The following CACNB2 variants were observed in gnomAD, a reference collection of about 807,000 sequenced individuals.
The protein encoded by CACNB2 is calcium voltage-gated channel auxiliary subunit beta 2.
CACNB2 carries 42 observed loss-of-function variants against 73.3 expected under a neutral mutation model. The observed-to-expected ratio is 0.57, with a 90% CI of 0.45 to 0.74. The LOEUF (loss-of-function observed/expected upper bound fraction) is 0.74. CACNB2 is among the 30% of genes least tolerant of loss of function. The probability of loss-of-function intolerance (pLI) is 0.00; values close to 1 mark genes in which losing one functional copy is unlikely to be tolerated. For synonymous variants in CACNB2, 348 were observed against 310.3 expected, an observed-to-expected ratio of 1.12 and a Z score of -1.28; for missense variants, 940 against 853.0, an observed-to-expected ratio of 1.10 and a Z score of -1.27.
At chr10:18,488,594 G>A (rs1303174609) in intron 3 of CACNB2, among the ~76,000 whole-genome samples, 3 of 151,796 alleles carry the variant, frequency 2.0e-5, no homozygotes, top group African/African-American at 7.3e-5. Context: ...CTTTATGAGG[G>A]ACACCCATCG....
intron 2 of CACNB2, among the ~76,000 whole-genome samples, chr10:18,399,325 G>T (rs1420766481): frequency 6.6e-6 from 1 of 152,174 alleles, no homozygotes; most frequent in Admixed American, 6.5e-5. Context: ...AAATTTGCTT[G>T]AACGAAGAGT....
chr10:18,479,422 A>G (rs575962654), intron 3 of CACNB2, among the ~76,000 whole-genome samples: 144 of 152,294 alleles, frequency 9.5e-4, no homozygotes, highest in Middle Eastern at 3.4e-3. Context: ...AACCATAAAA[A>G]AAAACTTAAG....
chr10:18,220,869 C>T (rs1020353079), intron 2 of CACNB2, among the ~76,000 whole-genome samples: 4 of 152,194 alleles, frequency 2.6e-5, no homozygotes, highest in Non-Finnish European at 4.4e-5. Flanking sequence ...TACAATCCCC[C>T]CTAGTCCGTG....
chr10:18,482,568 T>G (rs2048837179), intron 3 of CACNB2, among the ~76,000 whole-genome samples: 1 of 152,182 alleles, frequency 6.6e-6, no homozygotes, highest in South Asian at 2.1e-4. Context: ...TGGAGTGTAG[T>G]GGCATGATCA....
At chr10:18,524,308 C>T (rs887184144) in intron 9 of CACNB2, among the ~76,000 whole-genome samples, 3 of 151,646 alleles carry the variant, frequency 2.0e-5, no homozygotes, top group Non-Finnish European at 2.9e-5. Context: ...TGAATTGCTA[C>T]AGGGATAAAT....
chr10:18,473,025 G>A (rs1380869617), intron 3 of CACNB2, among the ~76,000 whole-genome samples: 1 of 152,116 alleles, frequency 6.6e-6, no homozygotes, highest in Non-Finnish European at 1.5e-5. Context: ...CCTGAATGTG[G>A]GATATGTTGA....
intron 2 of CACNB2, among the ~76,000 whole-genome samples, chr10:18,328,368 C>T (rs1467568414): frequency 6.6e-6 from 1 of 152,158 alleles, no homozygotes; most frequent in African/African-American, 2.4e-5. Context: ...CCTGTGATTC[C>T]ACTTTGCAGC....
chr10:18,401,453 A>T (rs1478124155), intron 2 of CACNB2, among the ~76,000 whole-genome samples: 1 of 152,204 alleles, frequency 6.6e-6, no homozygotes, highest in Non-Finnish European at 1.5e-5. Flanking sequence ...GCTTTTTCAG[A>T]TTAAAGTGGG....
rs2040357406 is a variant in CACNB2 at position 18,320,390 on chromosome 10, T to G, written c.214-81534T>G. Among the ~76,000 whole-genome samples, 3 of 152,202 alleles carry G rather than the reference T, an allele frequency of 2.0e-5. No individual in the cohort carries two copies. In the South Asian group the frequency reaches 6.2e-4, roughly 31 times the overall value. On this transcript the variant is annotated intron_variant, in intron 2 of 13. Transcript: ENST00000324631. ...GACATAGTTAAGTACGAAACAAATT[T>G]TTTTTCGTTTGGTGAAATGAGTGAA... is the stretch of plus-strand genomic sequence containing the variant.
At chr10:18,315,431 C>T (rs1451467440) in intron 2 of CACNB2, among the ~76,000 whole-genome samples, 2 of 125,888 alleles carry the variant, frequency 1.6e-5, no homozygotes, top group Non-Finnish European at 3.1e-5. Flanking sequence ...GAGGACAAGG[C>T]AGGAGGATTG....
chr10:18,532,465 G>A (rs953377067), intron 10 of CACNB2, among the ~76,000 whole-genome samples: 3 of 151,952 alleles, frequency 2.0e-5, no homozygotes, highest in Non-Finnish European at 2.9e-5. Flanking sequence ...TTGAGGTCAG[G>A]AGTTTGAGAC....
chr10:18,391,375 C>CGGGAGAGCTTTCTTGTAAATT (rs2043460803), intron 2 of CACNB2, among the ~76,000 whole-genome samples: 3 of 152,144 alleles, frequency 2.0e-5, no homozygotes, highest in Admixed American at 2.0e-4. Context: ...GAAAATGGAT[C>CGGGAGAGCTTTCTTGTAAATT]GGGAGAGCTT....
intron 2 of CACNB2, among the ~76,000 whole-genome samples, chr10:18,165,616 T>C (rs534908303): frequency 5.3e-5 from 8 of 152,362 alleles, no homozygotes; most frequent in Non-Finnish European, 1.2e-4. Flanking sequence ...CTCACCATGT[T>C]GGCCAGGTAC....
intron 2 of CACNB2, among the ~76,000 whole-genome samples, chr10:18,303,135 T>G (rs1482119795): frequency 6.6e-6 from 1 of 152,194 alleles, no homozygotes; most frequent in Non-Finnish European, 1.5e-5. Context: ...ATAGACAGTT[T>G]ATTCTTGTTT....
At chr10:18,413,773 G>A (rs964437089) in intron 3 of CACNB2, among the ~76,000 whole-genome samples, 6 of 152,148 alleles carry the variant, frequency 3.9e-5, no homozygotes, top group Non-Finnish European at 7.3e-5. Flanking sequence ...TTTGTAAAAG[G>A]ACACTAACCT....
Position 18,401,929 on chromosome 10 carries a change from G to T in CACNB2, c.219G>T (p.Ser73=). 3.1e-6 allele frequency: 5 copies of T among 1,613,914 alleles called. No individual in the cohort carries two copies. Among genetic ancestry groups the T allele is most frequent in the Non-Finnish European group, 4.2e-6 (5 of 1,179,892 alleles). The change falls in exon 3 of 14, where the codon TCG becomes TCT. Residue 73 remains serine (S), a synonymous_variant. Coordinates refer to ENST00000324631, the MANE Select transcript of CACNB2 (RefSeq NM_201596.3). ...ATGTACATTTTCCTCTCCAGGGTTC[G>T]GCAGACTCCTACACTAGCCGTCCAT... The part of the protein sequence containing the change: ...TTSNSFVRQG[S]ADSYTSRPSD...
rs544360703 is a variant in CACNB2, at chr10:18,345,620, C to G, written c.214-56304C>G. Among the ~76,000 whole-genome samples, 7 of 152,282 alleles carry G rather than the reference C, an allele frequency of 4.6e-5. No individual in the cohort carries two copies. In the South Asian group the frequency reaches 1.4e-3, roughly 32 times the overall value. On this transcript the variant is annotated intron_variant, in intron 2 of 13. Transcript: ENST00000324631. ...TCCCTAAAACAAAACAAAAACAATC[C>G]TTACAGAATTAACTGTGGAATAGTT...
At chr10:18,518,609 A>G (rs977817694) in intron 8 of CACNB2, among the ~76,000 whole-genome samples, 193 bp downstream of exon 8, 4 of 152,154 alleles carry the variant, frequency 2.6e-5, no homozygotes, top group African/African-American at 9.7e-5. Context: ...TGTTTTGTTT[A>G]CCTGGCTGTT....
chr10:18,162,113 A>G (rs2032512582), intron 2 of CACNB2, among the ~76,000 whole-genome samples: 2 of 152,164 alleles, frequency 1.3e-5, no homozygotes, highest in African/African-American at 4.8e-5. Context: ...ATATTTTACA[A>G]TGTAATTATA....
Sources: allele counts gnomAD v4.1 joint callset (sites outside exome capture counted in the v4.1 genomes callset), GRCh38; gene constraint gnomAD v4.1.1; transcripts MANE v1.5; gene names NCBI Gene and HGNC (gene_info 2026-07-23, HGNC 2026-07-21).